The following PRKD1 variants were observed in gnomAD, a reference collection of about 807,000 sequenced individuals.
The protein encoded by PRKD1 is protein kinase D1.
In PRKD1, 63 loss-of-function variants were observed where a neutral mutation model predicts 95.9. The observed-to-expected ratio is 0.66, with a 90% CI of 0.54 to 0.81. The LOEUF (loss-of-function observed/expected upper bound fraction) is 0.81, where lower values mean the gene tolerates loss of function less well. PRKD1 is among the 30% of genes least tolerant of loss of function. The probability of loss-of-function intolerance (pLI) is 0.00; values close to 1 mark genes in which losing one functional copy is unlikely to be tolerated. For synonymous variants in PRKD1, 425 were observed against 423.1 expected, an observed-to-expected ratio of 1.00 and a Z score of -0.05; for missense variants, 1,048 against 1,165.3, an observed-to-expected ratio of 0.90 and a Z score of 1.47.
At chr14:29,733,374 A>C (rs1238719751) in intron 1 of PRKD1, among the ~76,000 whole-genome samples, 1 of 152,116 alleles carries the variant, frequency 6.6e-6, no homozygotes, top group East Asian at 1.9e-4. Flanking sequence ...TGCTGGGATT[A>C]CAGGAGTGAG....
chr14:29,626,652 G>T, intron 11 of PRKD1, 96 bp from the exon 12 acceptor site: 2 of 546,492 alleles, frequency 3.7e-6, no homozygotes, highest in Non-Finnish European at 2.7e-6. Flanking sequence ...TATAAACTAA[G>T]TATTTTAAAA....
rs145181247 is a variant in PRKD1, at chr14:29,745,887, A to T, written c.265-20213T>A. ...AGACATTTTAAGAAAATGGTATCTA[A>T]CTATCTATAGGTTTGAACAGATTAT... is the stretch of plus-strand genomic sequence containing the variant. On this transcript the variant is annotated intron_variant, in intron 1 of 17. Coordinates refer to ENST00000331968, the MANE Select transcript of PRKD1 (RefSeq NM_002742.3). Among the ~76,000 whole-genome samples, 174 of 152,318 alleles carry T rather than the reference A, an allele frequency of 1.1e-3. 1 individual carries two copies. In the East Asian group the frequency reaches 0.025, roughly 22 times the overall value.
intron 1 of PRKD1, among the ~76,000 whole-genome samples, chr14:29,911,568 T>C (rs987288789): frequency 1.3e-5 from 2 of 152,174 alleles, no homozygotes; most frequent in Non-Finnish European, 2.9e-5. Flanking sequence ...TGGATGAGCA[T>C]ATTTGCTTAC....
intron 16 of PRKD1, among the ~76,000 whole-genome samples, chr14:29,581,851 T>G (rs1440596226): frequency 6.6e-6 from 1 of 152,150 alleles, no homozygotes; most frequent in Non-Finnish European, 1.5e-5. Context: ...TTATTAGAAC[T>G]TTTTTCAGGA....
At chr14:29,867,106 C>T (rs1225406124) in intron 1 of PRKD1, among the ~76,000 whole-genome samples, 1 of 152,166 alleles carries the variant, frequency 6.6e-6, no homozygotes, top group African/African-American at 2.4e-5. Context: ...TCCCACTATA[C>T]CTGCTCCTCA....
intron 12 of PRKD1, among the ~76,000 whole-genome samples, chr14:29,624,654 G>A (rs574013838): frequency 6.6e-6 from 1 of 152,124 alleles, no homozygotes; most frequent in African/African-American, 2.4e-5. Flanking sequence ...ATAGGGGAAA[G>A]AATTAAAGTC....
At chr14:29,651,499 C>G (rs4636810) in intron 4 of PRKD1, among the ~76,000 whole-genome samples, 5,516 of 152,124 alleles carry the variant, frequency 0.036, 290 homozygotes, top group African/African-American at 0.12. Context: ...CTAAGGGGTT[C>G]AGTAAAATAA....
chr14:29,656,132 T>C lies in PRKD1; in HGVS notation c.696+7567A>G, dbSNP rs149942459. On this transcript the variant is annotated intron_variant, in intron 4 of 17. Coordinates refer to ENST00000331968, the MANE Select transcript of PRKD1 (RefSeq NM_002742.3). ...TAAGTGAGGGCTGATGTATTCTTCA[T>C]TCTCAATATGTCTGCTCAGTTTCAT... Among the ~76,000 whole-genome samples the C allele has an allele frequency of 1.5e-3, 224 of 152,254 alleles. 4 individuals are homozygous for C. In the East Asian group the frequency reaches 0.035, roughly 23 times the overall value.
chr14:29,736,478 G>A (rs1249608239), intron 1 of PRKD1, among the ~76,000 whole-genome samples: 1 of 152,090 alleles, frequency 6.6e-6, no homozygotes, highest in African/African-American at 2.4e-5. Context: ...TTATGTGAAG[G>A]TGTGTGAGCT....
intron 1 of PRKD1, among the ~76,000 whole-genome samples, chr14:29,897,948 A>C (rs545882624): frequency 1.4e-4 from 21 of 152,086 alleles, no homozygotes; most frequent in Non-Finnish European, 2.5e-4. Flanking sequence ...ACAGCTATCT[A>C]TGTTTCTTAA....
chr14:29,599,276 T>C, intron 14 of PRKD1, 151 bp from the exon 15 acceptor site: 4 of 692,536 alleles, frequency 5.8e-6, no homozygotes, highest in Non-Finnish European at 9.5e-6. Flanking sequence ...CATAGGTTTC[T>C]AAAGAAATTT....
intron 2 of PRKD1, among the ~76,000 whole-genome samples, chr14:29,724,439 G>C (rs1014408844): frequency 7.9e-5 from 12 of 152,128 alleles, no homozygotes; most frequent in Non-Finnish European, 1.8e-4. Flanking sequence ...AGTTTTGAGA[G>C]GTCAGGTGCA....
rs191808377 is a variant in PRKD1, at chr14:29,663,954, C to A, written c.536-95G>T. The stretch of plus-strand genomic sequence containing the variant: ...AGTAGAAATTTAAAAAATAGTACAG[C>A]TTCCATTTTCCTTGAGAGTATTTGG... On this transcript the variant is annotated intron_variant, in intron 3 of 17. Transcript: ENST00000331968. 2.5e-3 allele frequency: 3,084 copies of A among 1,222,506 alleles called. 9 individuals carry two copies. The highest frequency in any genetic ancestry group is 2.6e-3 in the Non-Finnish European group (2,255 of 883,876). 75.7% of individuals were successfully genotyped at this position (1,222,506 alleles called of 1,614,324 possible).
intron 2 of PRKD1, among the ~76,000 whole-genome samples, chr14:29,673,901 C>A (rs1046398991): frequency 6.6e-6 from 1 of 152,128 alleles, no homozygotes; most frequent in Non-Finnish European, 1.5e-5. Flanking sequence ...AAGACCTGGA[C>A]TCTGATCCTG....
intron 16 of PRKD1, among the ~76,000 whole-genome samples, chr14:29,593,681 A>G (rs1249861745): frequency 1.3e-5 from 2 of 152,214 alleles, no homozygotes; most frequent in Non-Finnish European, 2.9e-5. Context: ...TGGCGAAACA[A>G]TAACACTTGA....
intron 1 of PRKD1, among the ~76,000 whole-genome samples, chr14:29,742,602 G>T (rs1040908272): frequency 1.3e-5 from 2 of 151,998 alleles, no homozygotes; most frequent in Non-Finnish European, 1.5e-5. Context: ...CCCATGAAAG[G>T]CTGAAATAAA....
chr14:29,842,885 G>A (rs1958980), intron 1 of PRKD1, among the ~76,000 whole-genome samples: 73,925 of 152,046 alleles, frequency 0.49, 21,722 homozygotes, highest in African/African-American at 0.83. Flanking sequence ...GCAGGGAAGA[G>A]AGAATGGCTG....
At chr14:29,627,470 A>G (rs893513179) in intron 11 of PRKD1, among the ~76,000 whole-genome samples, 1 of 152,196 alleles carries the variant, frequency 6.6e-6, no homozygotes, top group Non-Finnish European at 1.5e-5. Flanking sequence ...CCAAAAGTCT[A>G]ATTCTTTCTC....
intron 1 of PRKD1, among the ~76,000 whole-genome samples, chr14:29,782,433 TTATAAC>T (rs1442047852): frequency 2.0e-5 from 3 of 152,234 alleles, no homozygotes; most frequent in African/African-American, 7.2e-5. Flanking sequence ...ATAAGATAAA[TTATAAC>T]TATGAGTCTA....
Sources: gnomAD v4.1 joint callset for allele counts (sites outside exome capture counted in the v4.1 genomes callset) on GRCh38, gnomAD v4.1.1 for gene constraint, MANE v1.5 for transcripts, NCBI Gene and HGNC (gene_info 2026-07-23, HGNC 2026-07-21) for gene names.